The following EXT2 variants were observed in gnomAD, a reference collection of about 807,000 sequenced individuals.
EXT2 encodes exostosin glycosyltransferase 2.
Under a neutral mutation model 81.6 loss-of-function variants are expected in EXT2, and 53 were observed. The observed-to-expected ratio is 0.65, with a 90% CI of 0.52 to 0.82. The LOEUF is 0.82. Ranked by LOEUF, EXT2 falls within the 40% of genes least tolerant of loss-of-function variation. EXT2 has a pLI of 0.00. For missense variants in EXT2, 774 were observed against 910.2 expected (o/e 0.85, Z 1.93); for synonymous variants, 320 against 340.0 (o/e 0.94, Z 0.65).
chr11:44,116,864 T>C (rs1954227916), intron 4 of EXT2: 1 of 152,224 alleles, frequency 6.6e-6, no homozygotes, highest in South Asian at 2.1e-4. Flanking sequence ...ATTGTCCTTT[T>C]ATCGTAGAGC....
intron 7 of EXT2, among the ~76,000 whole-genome samples, chr11:44,147,070 G>A (rs1427201190): frequency 6.6e-6 from 1 of 152,096 alleles, no homozygotes; most frequent in East Asian, 1.9e-4. Context: ...ATTTATCCTT[G>A]TAACATTGCA....
At chr11:44,132,389 C>T (rs920353888) in intron 7 of EXT2, among the ~76,000 whole-genome samples, 6 of 152,170 alleles carry the variant, frequency 3.9e-5, no homozygotes, top group Non-Finnish European at 7.3e-5. Context: ...TTTAAAACAG[C>T]GTACTTTTGG....
chr11:44,164,772 T>C (rs1159492833), intron 7 of EXT2, among the ~76,000 whole-genome samples: 2 of 152,224 alleles, frequency 1.3e-5, no homozygotes, highest in African/African-American at 2.4e-5. Context: ...AAGGTTATAT[T>C]GGTGTGACCT....
chr11:44,125,121 T>A, intron 5 of EXT2, 137 bp downstream of exon 5: 1 of 818,956 alleles, frequency 1.2e-6, no homozygotes, highest in African/African-American at 1.7e-5. Flanking sequence ...GCATTGCTCT[T>A]TACTGGACAT....
chr11:44,176,825 G>A (rs556826872), intron 8 of EXT2, among the ~76,000 whole-genome samples: 25 of 151,948 alleles, frequency 1.6e-4, no homozygotes, highest in African/African-American at 6.0e-4. Context: ...TACACTCTTA[G>A]GGTCTCCAGC....
intron 1 of EXT2, among the ~76,000 whole-genome samples, chr11:44,105,572 A>C (rs374779656): frequency 7.7e-4 from 118 of 152,352 alleles, no homozygotes; most frequent in African/African-American, 2.7e-3. Context: ...GATTATAGGC[A>C]TGAGCCACTG....
chr11:44,212,372 A>G (rs1471554177), intron 10 of EXT2, among the ~76,000 whole-genome samples: 1 of 151,766 alleles, frequency 6.6e-6, no homozygotes, highest in Non-Finnish European at 1.5e-5. Flanking sequence ...GAGGTACAAG[A>G]TGACACACAA....
chr11:44,244,415 C>A lies in EXT2; in HGVS notation c.*128C>A. On this transcript the variant is annotated 3_prime_UTR_variant, in exon 14 of 14. Coordinates refer to ENST00000533608, the MANE Select transcript of EXT2 (RefSeq NM_207122.2). The stretch of plus-strand genomic sequence containing the variant: ...TGACCTACTTGGATCTTGGCATGCA[C>A]CCACCTAACCCACTTTCTCAAGAAC... The A allele has an allele frequency of 2.3e-6, 2 of 883,460 alleles. No individual in the cohort carries two copies. The highest frequency in any genetic ancestry group is 2.9e-5 in the South Asian group (2 of 69,046). The allele number at this position is 883,460 out of a possible 1,614,324, so 54.7% of individuals were successfully genotyped here.
intron 7 of EXT2, among the ~76,000 whole-genome samples, chr11:44,152,346 T>G (rs1329815151): frequency 6.6e-6 from 1 of 151,950 alleles, no homozygotes; most frequent in Non-Finnish European, 1.5e-5. Flanking sequence ...TTTATAGGGT[T>G]GTTGTTGTTG....
chr11:44,168,375 A>G (rs1955024593), intron 7 of EXT2, among the ~76,000 whole-genome samples: 1 of 152,226 alleles, frequency 6.6e-6, no homozygotes, highest in Non-Finnish European at 1.5e-5. Flanking sequence ...AATATATTTC[A>G]CATATATTTA....
intron 10 of EXT2, among the ~76,000 whole-genome samples, chr11:44,210,166 C>T (rs966757857): frequency 1.3e-5 from 2 of 152,144 alleles, no homozygotes; most frequent in Non-Finnish European, 2.9e-5. Context: ...GAAATGACAA[C>T]AAAAGTCTGC....
intron 7 of EXT2, among the ~76,000 whole-genome samples, chr11:44,149,684 C>A (rs999049471): frequency 1.3e-5 from 2 of 152,156 alleles, no homozygotes; most frequent in Non-Finnish European, 2.9e-5. Flanking sequence ...TAGCCATTTT[C>A]TCTGGTGGAA....
intron 7 of EXT2, among the ~76,000 whole-genome samples, chr11:44,144,871 G>GA (rs1555008968): frequency 6.6e-6 from 1 of 151,580 alleles, no homozygotes; most frequent in Non-Finnish European, 1.5e-5. Flanking sequence ...TATTTTGAAA[G>GA]TTTTTTTTTA....
intron 8 of EXT2, among the ~76,000 whole-genome samples, chr11:44,185,991 G>T (rs753578654): frequency 1.3e-5 from 2 of 152,160 alleles, no homozygotes; most frequent in Non-Finnish European, 2.9e-5. Context: ...AACATTGTTG[G>T]ACACTTTGTC....
At chr11:44,243,045 A>C (rs77540797) in intron 13 of EXT2, among the ~76,000 whole-genome samples, 4,913 of 152,294 alleles carry the variant, frequency 0.032, 214 homozygotes, top group African/African-American at 0.096. Flanking sequence ...GGACATGATG[A>C]TGTTATGAGT....
At chr11:44,218,268 T>C (rs964092581) in intron 10 of EXT2, among the ~76,000 whole-genome samples, 3 of 152,168 alleles carry the variant, frequency 2.0e-5, no homozygotes, top group Non-Finnish European at 2.9e-5. Flanking sequence ...TGGGGTTTCC[T>C]GATGCAGGAA....
intron 1 of EXT2, among the ~76,000 whole-genome samples, chr11:44,101,346 A>G (rs1187620614): frequency 6.6e-6 from 1 of 152,170 alleles, no homozygotes; most frequent in African/African-American, 2.4e-5. Context: ...TGCCTCCCCA[A>G]GGGATATTTG....
chr11:44,144,041 G>T (rs1171732514), intron 7 of EXT2, among the ~76,000 whole-genome samples: 1 of 152,208 alleles, frequency 6.6e-6, no homozygotes, highest in Non-Finnish European at 1.5e-5. Context: ...GGTCTTTCAA[G>T]TGTGCCTGGT....
At position 44,125,074 on chromosome 11, in the gene EXT2, G is replaced by A; in HGVS notation, c.939+90G>A. 7.1e-6 allele frequency: 9 copies of A among 1,260,494 alleles called. 1 individual carries two copies. In the South Asian group the frequency reaches 1.1e-4, roughly 15 times the overall value. 78.1% of individuals were successfully genotyped at this position (1,260,494 alleles called of 1,614,324 possible). A position where few individuals can be genotyped will look rare whatever the true frequency, so the allele number is the denominator to read the frequency against. ...GCCCAGCGAACCTGAGTTGTTTTCAGCATGCAACTAGAATTACCCAAGGGG... is the reference window on the plus strand; with the variant it reads ...GCCCAGCGAACCTGAGTTGTTTTCAACATGCAACTAGAATTACCCAAGGGG... On this transcript the variant is annotated intron_variant, in intron 5 of 13. Coordinates refer to ENST00000533608, the MANE Select transcript of EXT2 (RefSeq NM_207122.2).
Sources: gnomAD v4.1 joint callset for allele counts (sites outside exome capture counted in the v4.1 genomes callset) on GRCh38, gnomAD v4.1.1 for gene constraint, MANE v1.5 for transcripts, NCBI Gene and HGNC (gene_info 2026-07-23, HGNC 2026-07-21) for gene names.